Variants in BPI observed in about 807,000 individuals in gnomAD.
BPI encodes the protein bactericidal permeability-increasing protein.
BPI carries 48 observed loss-of-function variants against 57.6 expected under a neutral mutation model. The observed-to-expected ratio is 0.83, with a 90% CI of 0.66 to 1.06. BPI has a LOEUF of 1.06. BPI is among the 50% of genes least tolerant of loss of function. The pLI, the probability that BPI is intolerant of heterozygous loss-of-function variation, is 0.00. For synonymous variants in BPI, 237 were observed against 238.2 expected (o/e 0.99, Z 0.05); for missense variants, 651 against 609.7 (o/e 1.07, Z -0.71).
intron 1 of BPI, among the ~76,000 whole-genome samples, chr20:38,304,687 C>A (rs772110696): frequency 1.3e-5 from 2 of 152,226 alleles, no homozygotes; most frequent in Non-Finnish European, 2.9e-5. Context: ...CAGTTCTCAG[C>A]CTTGCCATTT....
chr20:38,324,916 C>T, intron 9 of BPI, 83 bp downstream of exon 9: 1 of 1,099,574 alleles, frequency 9.1e-7, no homozygotes, highest in East Asian at 2.4e-5. Flanking sequence ...TGAGAGCCCT[C>T]CACCCAACAT....
intron 11 of BPI, 135 bp from the exon 12 acceptor site, chr20:38,330,913 C>T (rs2076738980): frequency 3.1e-6 from 3 of 972,380 alleles, no homozygotes; most frequent in Admixed American, 4.2e-5. Flanking sequence ...GGGGCTGTGA[C>T]CCGTGGAAGG....
At chr20:38,323,359 G>A (rs1390245345) in intron 7 of BPI, among the ~76,000 whole-genome samples, 1 of 152,194 alleles carries the variant, frequency 6.6e-6, no homozygotes, top group Non-Finnish European at 1.5e-5. Flanking sequence ...AACAGCTTAT[G>A]AGTGCTCTCA....
At chr20:38,336,520 A>T (rs2076768214) in intron 14 of BPI, among the ~76,000 whole-genome samples, 1 of 151,628 alleles carries the variant, frequency 6.6e-6, no homozygotes, top group Non-Finnish European at 1.5e-5. Context: ...TGCATTTCTC[A>T]CCTTGGTCAA....
chr20:38,335,512 C>G (rs1234926738), intron 13 of BPI, 86 bp from the exon 14 acceptor site: 1 of 1,231,968 alleles, frequency 8.1e-7, no homozygotes, highest in Non-Finnish European at 1.2e-6. Context: ...TTCAGGGAGG[C>G]TGTCTACCCA....
At chr20:38,307,283 T>G (rs1480860652) in intron 1 of BPI, among the ~76,000 whole-genome samples, 1 of 151,994 alleles carries the variant, frequency 6.6e-6, no homozygotes, top group African/African-American at 2.4e-5. Flanking sequence ...ACAAATAAAG[T>G]GTTATTGGAA....
intron 2 of BPI, 25 bp from the exon 3 acceptor site, chr20:38,308,905 T>C (rs766599239): frequency 5.0e-6 from 8 of 1,613,770 alleles, no homozygotes; most frequent in Admixed American, 1.7e-5. Context: ...TGAAATTATA[T>C]GACATTCACA....
chr20:38,331,048 G>A lies in BPI; in HGVS notation c.1230G>A (p.Arg410=). 6.2e-7 allele frequency: 1 copy of A among 1,614,062 alleles called. No individual in the cohort carries two copies. Among genetic ancestry groups the A allele is most frequent in the Non-Finnish European group, 8.5e-7 (1 of 1,180,010 alleles). ...CAGTCCCCTCCTCCCCCTCTCACAGGCTGCTCCTGGAACTGAAGCACTCAA... is the reference window on the plus strand; with the variant it reads ...CAGTCCCCTCCTCCCCCTCTCACAGACTGCTCCTGGAACTGAAGCACTCAA... ...NRLVGELKLD[R]LLLELKHSNI... is the part of the protein sequence containing the mutation. Residue 410 remains arginine (R), a splice_region_variant and synonymous_variant, in exon 12 of 15, where the codon AGG becomes AGA. Coordinates refer to ENST00000642449, the MANE Select transcript of BPI (RefSeq NM_001725.3).
rs751729735 is a variant in BPI at position 38,308,914 on chromosome 20, C to T, written c.246-16C>T. ...AGTATATGAAATTATATGACATTCA[C>T]ATTTCTCCTTTGCAGCATGGACATC... is the stretch of plus-strand genomic sequence containing the variant. On this transcript the variant is annotated splice_polypyrimidine_tract_variant and intron_variant, in intron 2 of 14. Coordinates refer to ENST00000642449, the MANE Select transcript of BPI (RefSeq NM_001725.3). 11 of 1,613,910 alleles carry T rather than the reference C, an allele frequency of 6.8e-6. No individual in the cohort carries two copies. The East Asian group carries it at 2.0e-4, about 29-fold the overall frequency.
intron 2 of BPI, 78 bp downstream of exon 2, chr20:38,307,759 C>A (rs1257360979): frequency 2.6e-6 from 3 of 1,160,902 alleles, no homozygotes; most frequent in Non-Finnish European, 3.8e-6. Context: ...GAATGCAGAG[C>A]CACAAACTCC....
Position 38,320,281 on chromosome 20 carries a change from C to T in BPI, c.756+7C>T. 1 of 1,612,832 alleles carries T rather than the reference C, an allele frequency of 6.2e-7. No individual in the cohort carries two copies. Among genetic ancestry groups the T allele is most frequent in the Non-Finnish European group, 8.5e-7 (1 of 1,179,138 alleles). On this transcript the variant is annotated splice_region_variant and intron_variant, in intron 7 of 14. Coordinates refer to ENST00000642449, the MANE Select transcript of BPI (RefSeq NM_001725.3). ...CCTGGATGTACAGATGAAGGTGAGG[C>T]TGACACTGAGAATCATACACCCTCA... is the stretch of plus-strand genomic sequence containing the variant.
Position 38,334,450 on chromosome 20 carries a change from C to A in BPI, c.1293C>A (p.Ile431=). 6.2e-7 allele frequency: 1 copy of A among 1,614,020 alleles called. No homozygotes were observed. Among genetic ancestry groups the A allele is most frequent in the East Asian group, 2.2e-5 (1 of 44,868 alleles). Residue 431 remains isoleucine, a synonymous_variant, in exon 13 of 15, where the codon ATC becomes ATA. Coordinates refer to ENST00000642449, the MANE Select transcript of BPI (RefSeq NM_001725.3). ...TCCAGGTTGAATTGCTGCAGGATAT[C>A]ATGAACTACATTGTACCCATTCTTG... ...GPFPVELLQD[I]MNYIVPILVL...
At chr20:38,321,399 T>C (rs1294402396) in intron 7 of BPI, among the ~76,000 whole-genome samples, 2 of 152,056 alleles carry the variant, frequency 1.3e-5, no homozygotes, top group Non-Finnish European at 2.9e-5. Context: ...TAGGTTAAGC[T>C]TCCTCTCACC....
chr20:38,320,287 CTG>C lies in BPI; in HGVS notation c.756+14_756+15del, dbSNP rs1568814254. 2.5e-6 allele frequency: 4 copies of C among 1,611,708 alleles called. No individual in the cohort carries two copies. Among genetic ancestry groups the C allele is most frequent in the South Asian group, 2.2e-5 (2 of 90,948 alleles). ...TGTACAGATGAAGGTGAGGCTGACA[CTG>C]AGAATCATACACCCTCACACCTCTG... is the stretch of plus-strand genomic sequence containing the variant. On this transcript the variant is annotated intron_variant, in intron 7 of 14. Coordinates refer to ENST00000642449, the MANE Select transcript of BPI (RefSeq NM_001725.3).
chr20:38,305,091 G>T (rs2076590747), intron 1 of BPI, among the ~76,000 whole-genome samples: 1 of 152,218 alleles, frequency 6.6e-6, no homozygotes, highest in Admixed American at 6.5e-5. Flanking sequence ...AAAACAGTGG[G>T]TGACACCCAG....
At chr20:38,315,821 T>TTTTC (rs1448738710) in intron 5 of BPI, among the ~76,000 whole-genome samples, 28 of 136,836 alleles carry the variant, frequency 2.0e-4, no homozygotes, top group African/African-American at 7.5e-4. Flanking sequence ...TCTTCCTTTC[T>TTTTC]TTTCTTTTCT....
chr20:38,335,404 G>A (rs2076762551), intron 13 of BPI, 194 bp from the exon 14 acceptor site: 2 of 603,328 alleles, frequency 3.3e-6, no homozygotes, highest in South Asian at 2.0e-5. Context: ...GTGGACTTGG[G>A]GTTGATGGAC....
intron 14 of BPI, 146 bp downstream of exon 14, chr20:38,335,820 A>G: frequency 1.4e-6 from 1 of 739,866 alleles, no homozygotes; most frequent in Non-Finnish European, 2.2e-6. Flanking sequence ...CTGTTAAAAA[A>G]CAAAGAAAGA....
chr20:38,323,866 C>G lies in BPI; in HGVS notation c.757-4C>G, dbSNP rs761113087. 2 of 1,613,670 alleles carry G rather than the reference C, an allele frequency of 1.2e-6. No individual in the cohort carries two copies. Among genetic ancestry groups the G allele is most frequent in the Admixed American group, 3.3e-5 (2 of 59,958 alleles). On this transcript the variant is annotated splice_polypyrimidine_tract_variant and splice_region_variant and intron_variant, in intron 7 of 14. Coordinates refer to ENST00000642449, the MANE Select transcript of BPI (RefSeq NM_001725.3). ...TGGGCTCACTCTGTTGCCTCTACCC[C>G]CAGGGGGAGTTTTACAGTGAGAACC...
Sources: allele counts gnomAD v4.1 joint callset (sites outside exome capture counted in the v4.1 genomes callset), GRCh38; gene constraint gnomAD v4.1.1; transcripts MANE v1.5; gene names NCBI Gene and HGNC (gene_info 2026-07-23, HGNC 2026-07-21).